Variants in SGK1 observed in about 807,000 individuals in gnomAD.
The protein encoded by SGK1 is serine/threonine-protein kinase Sgk1.
SGK1 carries 26 observed loss-of-function variants against 64.2 expected under a neutral mutation model. The ratio of observed to expected loss-of-function variants is 0.40; its 90% CI spans 0.30 to 0.56. The LOEUF is 0.56. Ranked by LOEUF, SGK1 falls within the 20% of genes least tolerant of loss-of-function variation. The pLI, the probability that SGK1 is intolerant of heterozygous loss-of-function variation, is 0.38. For missense variants in SGK1, 519 were observed against 645.6 expected (o/e 0.80, Z 2.12); for synonymous variants, 265 against 239.7 (o/e 1.11, Z -0.98).
intron 2 of SGK1, among the ~76,000 whole-genome samples, chr6:134,257,425 CA>C (rs1212745877): frequency 2.6e-5 from 4 of 152,090 alleles, no homozygotes; most frequent in Admixed American, 2.6e-4. Context: ...ACAAACAAAA[CA>C]AAACAAAAAA....
chr6:134,302,904 G>A (rs555819882), intron 1 of SGK1, among the ~76,000 whole-genome samples: 13 of 151,994 alleles, frequency 8.6e-5, no homozygotes, highest in Middle Eastern at 3.4e-3. Flanking sequence ...ACAGGTGTGC[G>A]CTATCATGCC....
At chr6:134,281,203 T>C (rs1159947727) in intron 1 of SGK1, among the ~76,000 whole-genome samples, 1 of 152,202 alleles carries the variant, frequency 6.6e-6, no homozygotes, top group African/African-American at 2.4e-5. Flanking sequence ...TACCCGTTCA[T>C]AGCTTAGTTT....
At chr6:134,192,271 C>A (rs943405302) in intron 3 of SGK1, among the ~76,000 whole-genome samples, 8 of 151,728 alleles carry the variant, frequency 5.3e-5, no homozygotes, top group Non-Finnish European at 1.0e-4. Flanking sequence ...GGCCTAAGAG[C>A]CAAAATTTTA....
intron 11 of SGK1, 119 bp from the exon 12 acceptor site, chr6:134,171,297 C>A: frequency 1.1e-6 from 1 of 916,654 alleles, no homozygotes; most frequent in South Asian, 1.6e-5. Context: ...AAACTCTCCC[C>A]ACCTCAATGC....
chr6:134,244,609 C>T (rs1776496873), intron 2 of SGK1, among the ~76,000 whole-genome samples: 1 of 152,140 alleles, frequency 6.6e-6, no homozygotes, highest in African/African-American at 2.4e-5. Flanking sequence ...AGGCAACGCC[C>T]CCCACCTGCT....
chr6:134,235,131 G>A (rs1776342582), intron 2 of SGK1, among the ~76,000 whole-genome samples: 1 of 152,208 alleles, frequency 6.6e-6, no homozygotes, highest in African/African-American at 2.4e-5. Flanking sequence ...GGCTTGGTGT[G>A]TAGCATAATG....
intron 1 of SGK1, among the ~76,000 whole-genome samples, chr6:134,309,614 G>C (rs1479210842): frequency 6.6e-6 from 1 of 152,128 alleles, no homozygotes; most frequent in Non-Finnish European, 1.5e-5. Flanking sequence ...TCTCTATAGA[G>C]ACACTGCGTA....
chr6:134,228,269 A>T (rs1044750380), intron 2 of SGK1, among the ~76,000 whole-genome samples: 4 of 152,094 alleles, frequency 2.6e-5, no homozygotes, highest in African/African-American at 9.7e-5. Flanking sequence ...TTCATTCTTG[A>T]TAGCATCAGT....
chr6:134,220,473 T>C (rs1292353180), intron 2 of SGK1, among the ~76,000 whole-genome samples: 1 of 152,152 alleles, frequency 6.6e-6, no homozygotes, highest in Non-Finnish European at 1.5e-5. Flanking sequence ...TTGGTAGAAA[T>C]AGTTAGATAT....
intron 3 of SGK1, among the ~76,000 whole-genome samples, chr6:134,204,575 T>C (rs988545108): frequency 6.8e-6 from 1 of 146,976 alleles, no homozygotes; most frequent in Non-Finnish European, 1.5e-5. Flanking sequence ...TTTTTTGAGA[T>C]GGAATTTCAC....
At chr6:134,173,817 T>C (rs1440317552) in intron 5 of SGK1, 188 bp downstream of exon 5, 8 of 586,604 alleles carry the variant, frequency 1.4e-5, no homozygotes, top group Non-Finnish European at 2.1e-5. Context: ...AGGTAAAATA[T>C]GCCCAGGAAA....
chr6:134,212,032 T>C (rs533714356), intron 2 of SGK1, among the ~76,000 whole-genome samples: 1 of 146,304 alleles, frequency 6.8e-6, no homozygotes, highest in South Asian at 2.2e-4. Flanking sequence ...GAAACTTTGG[T>C]TCCTGTTTTT....
At chr6:134,192,861 T>A (rs1289362332) in intron 3 of SGK1, among the ~76,000 whole-genome samples, 1 of 152,154 alleles carries the variant, frequency 6.6e-6, no homozygotes, top group Non-Finnish European at 1.5e-5. Context: ...GCCCTCCTGG[T>A]CCACCCACTA....
At chr6:134,282,540 C>G (rs1268227527) in intron 1 of SGK1, among the ~76,000 whole-genome samples, 1 of 150,278 alleles carries the variant, frequency 6.7e-6, no homozygotes, top group African/African-American at 2.5e-5. Flanking sequence ...GTAATTCCAG[C>G]TACTCGGGAG....
At chr6:134,198,321 A>C (rs1490893029) in intron 3 of SGK1, among the ~76,000 whole-genome samples, 4 of 152,252 alleles carry the variant, frequency 2.6e-5, no homozygotes, top group Non-Finnish European at 4.4e-5. Context: ...AAAGTCTACC[A>C]TGAATATACT....
chr6:134,287,759 T>A (rs988220534), intron 1 of SGK1, among the ~76,000 whole-genome samples: 4 of 152,176 alleles, frequency 2.6e-5, no homozygotes, highest in Admixed American at 2.0e-4. Context: ...TGTTTTTGTA[T>A]TTACATGTAT....
At chr6:134,229,601 G>A (rs899897897) in intron 2 of SGK1, among the ~76,000 whole-genome samples, 2 of 152,144 alleles carry the variant, frequency 1.3e-5, no homozygotes, top group African/African-American at 2.4e-5. Flanking sequence ...GAGGGGAAAG[G>A]TAATTCCTGA....
intron 1 of SGK1, among the ~76,000 whole-genome samples, chr6:134,277,680 C>T (rs1451598193): frequency 1.3e-5 from 2 of 152,160 alleles, no homozygotes; most frequent in African/African-American, 4.8e-5. Context: ...CTCCACTCCC[C>T]TAAGTCCCCC....
At position 134,207,246 on chromosome 6, in the gene SGK1, A is replaced by T. The variant is rs564063971; in HGVS notation, c.361+110T>A. 4.8e-5 allele frequency: 36 copies of T among 746,282 alleles called. No homozygotes were observed. In the African/African-American group the frequency reaches 5.5e-4, roughly 11 times the overall value. 46.2% of individuals were successfully genotyped at this position (746,282 alleles called of 1,614,324 possible). A position where few individuals can be genotyped will look rare whatever the true frequency, so the allele number is the denominator to read the frequency against. On this transcript the variant is annotated intron_variant, in intron 3 of 13. Coordinates refer to ENST00000367858, the MANE Select transcript of SGK1 (RefSeq NM_001143676.3). The stretch of plus-strand genomic sequence containing the variant: ...GTCTCAAGAAAAACAAAAAACAAAA[A>T]ACAAACAAACAAAAAAATATTTCCC...
Sources: allele counts gnomAD v4.1 joint callset (sites outside exome capture counted in the v4.1 genomes callset), GRCh38; gene constraint gnomAD v4.1.1; transcripts MANE v1.5; gene names NCBI Gene and HGNC (gene_info 2026-07-23, HGNC 2026-07-21).